SPATA13: variants seen among roughly 807,000 people sequenced by gnomAD.
SPATA13 encodes the protein spermatogenesis associated 13, also known as spermatogenesis-associated protein 13.
A neutral mutation model predicts 104.0 loss-of-function variants in SPATA13; 50 were observed. The ratio of observed to expected loss-of-function variants is 0.48; its 90% confidence interval spans 0.38 to 0.61. The LOEUF is 0.61. Ranked by LOEUF, SPATA13 falls within the 20% of genes least tolerant of loss-of-function variation. The pLI, the probability that SPATA13 is intolerant of heterozygous loss-of-function variation, is 0.00. For missense variants in SPATA13, 1,524 were observed against 1,690.6 expected (o/e 0.90, Z 1.73); for synonymous variants, 606 against 667.5 (o/e 0.91, Z 1.42).
intron 3 of SPATA13, among the ~76,000 whole-genome samples, chr13:24,146,639 G>C (rs1881941734): frequency 1.4e-5 from 1 of 72,058 alleles, no homozygotes; most frequent in Middle Eastern, 7.6e-3. Context: ...GAAATGCACA[G>C]CAATTTAAAA....
rs1326948467 is a variant in SPATA13, at chr13:24,290,696, G to T, written c.2892G>T (p.Pro964=). 1 of 1,614,042 alleles carries T rather than the reference G, an allele frequency of 6.2e-7. No individual in the cohort carries two copies. Among genetic ancestry groups the T allele is most frequent in the Non-Finnish European group, 8.5e-7 (1 of 1,180,044 alleles). Residue 964 remains proline (P), a synonymous_variant, in exon 9 of 13, where the codon CCG becomes CCT. Coordinates refer to ENST00000382108, the MANE Select transcript of SPATA13 (RefSeq NM_001166271.3). ...ATTCCGAGTACTGCAACAACCACCC[G>T]GGCGCCTGCCTGGAGCTCGCCAACC... ...AIYSEYCNNH[P]GACLELANLM...
At chr13:24,003,132 T>C (rs564361631) in intron 2 of SPATA13, among the ~76,000 whole-genome samples, 1 of 152,308 alleles carries the variant, frequency 6.6e-6, no homozygotes, top group East Asian at 1.9e-4. Flanking sequence ...TCAATGGTTC[T>C]GTCTGTAGCA....
intron 3 of SPATA13, among the ~76,000 whole-genome samples, chr13:24,028,037 A>T (rs1162149837): frequency 6.6e-6 from 1 of 152,214 alleles, no homozygotes; most frequent in Non-Finnish European, 1.5e-5. Flanking sequence ...TCATAAATTT[A>T]GATGTTTTTA....
chr13:24,068,269 T>C (rs573141499), intron 3 of SPATA13, among the ~76,000 whole-genome samples: 1 of 152,336 alleles, frequency 6.6e-6, no homozygotes, highest in African/African-American at 2.4e-5. Context: ...TTTGGTTTTC[T>C]GTTCCTGCTA....
intron 3 of SPATA13, among the ~76,000 whole-genome samples, chr13:24,097,575 A>G (rs1480824562): frequency 3.9e-5 from 6 of 152,200 alleles, no homozygotes; most frequent in Non-Finnish European, 8.8e-5. Context: ...TGATAAAGCA[A>G]CTAGAACAAC....
chr13:23,981,377 C>A (rs932244998), intron 1 of SPATA13, among the ~76,000 whole-genome samples: 1 of 152,172 alleles, frequency 6.6e-6, no homozygotes, highest in Non-Finnish European at 1.5e-5. Context: ...TACTCAGATA[C>A]TCATTCATCA....
chr13:24,201,689 T>C (rs560219421), intron 1 of SPATA13, among the ~76,000 whole-genome samples: 2 of 152,296 alleles, frequency 1.3e-5, no homozygotes, highest in Non-Finnish European at 2.9e-5. Context: ...TTCGCCCACC[T>C]TGGCCTCCCA....
At chr13:24,004,673 G>A (rs1471631204) in intron 2 of SPATA13, among the ~76,000 whole-genome samples, 1 of 152,134 alleles carries the variant, frequency 6.6e-6, no homozygotes, top group Non-Finnish European at 1.5e-5. Context: ...AATCAATTCC[G>A]AGACTGCTCC....
chr13:24,243,044 G>T (rs1227965626), intron 2 of SPATA13, among the ~76,000 whole-genome samples: 1 of 152,236 alleles, frequency 6.6e-6, no homozygotes, highest in Admixed American at 6.5e-5. Context: ...GCACAAGACT[G>T]ATACCCTAGG....
At chr13:24,276,026 C>T (rs551763883) in intron 4 of SPATA13, among the ~76,000 whole-genome samples, 12 of 152,196 alleles carry the variant, frequency 7.9e-5, no homozygotes, top group African/African-American at 2.2e-4. Context: ...GGAACTGTTG[C>T]GCACTGTTGG....
chr13:23,990,612 T>C (rs1389841192), intron 2 of SPATA13, among the ~76,000 whole-genome samples: 3 of 152,210 alleles, frequency 2.0e-5, no homozygotes, highest in Non-Finnish European at 4.4e-5. Flanking sequence ...AGTGGATTCT[T>C]CTCAGATCCA....
At chr13:23,998,928 GTT>G (rs10649768) in intron 2 of SPATA13, among the ~76,000 whole-genome samples, 1 of 147,364 alleles carries the variant, frequency 6.8e-6, no homozygotes. Flanking sequence ...ACTAACTTTG[GTT>G]TTTTTTTTTT....
intron 2 of SPATA13, among the ~76,000 whole-genome samples, chr13:24,248,399 G>C (rs1355537361): frequency 1.3e-5 from 2 of 152,244 alleles, no homozygotes; most frequent in Non-Finnish European, 2.9e-5. Flanking sequence ...CAGACACAGT[G>C]ACTGAACATG....
intron 3 of SPATA13, among the ~76,000 whole-genome samples, chr13:24,079,082 G>A (rs9553162): frequency 0.14 from 21,584 of 152,194 alleles, 1,898 homozygotes; most frequent in East Asian, 0.32. Flanking sequence ...AGGTGGTACT[G>A]ATCTGATAAC....
At chr13:24,257,257 G>C (rs1873834525) in intron 4 of SPATA13, among the ~76,000 whole-genome samples, 1 of 152,170 alleles carries the variant, frequency 6.6e-6, no homozygotes, top group Non-Finnish European at 1.5e-5. Context: ...AGAGTGTCCA[G>C]TTTACTTCGC....
intron 1 of SPATA13, among the ~76,000 whole-genome samples, chr13:24,188,394 AAC>A (rs57348211): frequency 0.075 from 11,374 of 152,172 alleles, 1,362 homozygotes; most frequent in African/African-American, 0.26. Context: ...AAGAAAGTGA[AAC>A]AGCCTTATCG....
chr13:24,271,359 G>A (rs1420070977), intron 4 of SPATA13, among the ~76,000 whole-genome samples: 2 of 152,128 alleles, frequency 1.3e-5, no homozygotes, highest in East Asian at 3.9e-4. Flanking sequence ...TATTGGTGGT[G>A]TGTATAAGAA....
chr13:24,185,719 A>G (rs1456850074), intron 1 of SPATA13, among the ~76,000 whole-genome samples: 1 of 111,838 alleles, frequency 8.9e-6, no homozygotes, highest in Non-Finnish European at 1.9e-5. Context: ...ATACAAATAG[A>G]TGCAGTTTTT....
At chr13:24,023,124 G>A (rs931099227) in intron 3 of SPATA13, among the ~76,000 whole-genome samples, 2 of 151,358 alleles carry the variant, frequency 1.3e-5, no homozygotes, top group Non-Finnish European at 2.9e-5. Flanking sequence ...TGTGTGTTAT[G>A]TTCCCCAGCC....
Sources: allele counts gnomAD v4.1 joint callset (sites outside exome capture counted in the v4.1 genomes callset), GRCh38; gene constraint gnomAD v4.1.1; transcripts MANE v1.5; gene names NCBI Gene and HGNC (gene_info 2026-07-23, HGNC 2026-07-21).